TMEM132C: variants seen among roughly 807,000 people sequenced by gnomAD.
The protein encoded by TMEM132C is protein phosphatase 1, regulatory subunit 152.
In TMEM132C, 29 loss-of-function variants were observed where a neutral mutation model predicts 61.4. That is an observed-to-expected ratio of 0.47 (90% CI 0.35 to 0.64). The LOEUF (loss-of-function observed/expected upper bound fraction) is 0.64, where lower values mean the gene tolerates loss of function less well. Ranked by LOEUF, TMEM132C falls within the 30% of genes least tolerant of loss-of-function variation. The pLI, the probability that TMEM132C is intolerant of heterozygous loss-of-function variation, is 0.00. For synonymous variants in TMEM132C, 656 were observed against 633.1 expected (o/e 1.04, Z -0.54); for missense variants, 1,408 against 1,476.9 (o/e 0.95, Z 0.76).
At chr12:128,646,183 G>A (rs1954196350) in intron 4 of TMEM132C, among the ~76,000 whole-genome samples, 1 of 152,214 alleles carries the variant, frequency 6.6e-6, no homozygotes, top group African/African-American at 2.4e-5. Context: ...GGATATGAGT[G>A]TGTTTACTGG....
chr12:128,401,926 G>A (rs1055554258), intron 1 of TMEM132C, among the ~76,000 whole-genome samples: 6 of 152,084 alleles, frequency 3.9e-5, no homozygotes, highest in African/African-American at 9.7e-5. Flanking sequence ...CATCCCTATC[G>A]CCAGAGGCTG....
chr12:128,343,069 TGCCAGGTG>T (rs1045126201), intron 1 of TMEM132C, among the ~76,000 whole-genome samples: 1 of 152,202 alleles, frequency 6.6e-6, no homozygotes, highest in Non-Finnish European at 1.5e-5. Flanking sequence ...TGACAGATGC[TGCCAGGTG>T]GCAGTTGGGG....
At chr12:128,357,324 C>T (rs747120998) in intron 1 of TMEM132C, among the ~76,000 whole-genome samples, 14 of 152,046 alleles carry the variant, frequency 9.2e-5, no homozygotes, top group Non-Finnish European at 1.3e-4. Flanking sequence ...TGGAGGGCGC[C>T]CCAGGAGACC....
At chr12:128,458,395 CA>C (rs1225599620) in intron 2 of TMEM132C, among the ~76,000 whole-genome samples, 1 of 151,362 alleles carries the variant, frequency 6.6e-6, no homozygotes, top group Non-Finnish European at 1.5e-5. Context: ...GGACAAAATA[CA>C]ATTTAGTTTC....
intron 2 of TMEM132C, among the ~76,000 whole-genome samples, chr12:128,511,548 A>G (rs1230224028): frequency 6.6e-6 from 1 of 152,208 alleles, no homozygotes; most frequent in Non-Finnish European, 1.5e-5. Flanking sequence ...AGACGACACC[A>G]AATGCAGGGC....
intron 4 of TMEM132C, among the ~76,000 whole-genome samples, chr12:128,645,693 G>A: frequency 6.6e-6 from 1 of 152,222 alleles, no homozygotes; most frequent in Non-Finnish European, 1.5e-5. Flanking sequence ...CAGTGCCCCA[G>A]CAGGGGCCCC....
chr12:128,298,322 A>G (rs1426629135), intron 1 of TMEM132C, among the ~76,000 whole-genome samples: 1 of 152,160 alleles, frequency 6.6e-6, no homozygotes, highest in African/African-American at 2.4e-5. Context: ...TGTTTTGTTG[A>G]ATGTGTTCCT....
At position 128,705,395 on chromosome 12, in the gene TMEM132C, C is replaced by A; in HGVS notation, c.2427C>A (p.Gly809=). 6.4e-7 allele frequency: 1 copy of A among 1,551,108 alleles called. No individual in the cohort carries two copies. The highest frequency in any genetic ancestry group is 8.7e-7 in the Non-Finnish European group (1 of 1,146,988). Residue 809 remains glycine, a synonymous_variant, in exon 9 of 9, where the codon GGC becomes GGA. Transcript: ENST00000435159. ...AGAACGATGCTGACTCCAGCCCCGGCGGGGACTATGAGGAAGATGAGATCA... is the reference window on the plus strand; with the variant it reads ...AGAACGATGCTGACTCCAGCCCCGGAGGGGACTATGAGGAAGATGAGATCA... The part of the protein sequence containing the change: ...FGQNDADSSP[G]GDYEEDEIKN...
intron 2 of TMEM132C, among the ~76,000 whole-genome samples, chr12:128,496,555 C>T (rs1354787701): frequency 6.6e-6 from 1 of 152,142 alleles, no homozygotes; most frequent in South Asian, 2.1e-4. Flanking sequence ...TTTCTATAAA[C>T]TTCTCTTCTC....
intron 1 of TMEM132C, among the ~76,000 whole-genome samples, chr12:128,409,717 C>T (rs1868465418): frequency 6.6e-6 from 1 of 152,132 alleles, no homozygotes; most frequent in Non-Finnish European, 1.5e-5. Flanking sequence ...ATGTAGTTTA[C>T]ACCCCAATCA....
intron 4 of TMEM132C, among the ~76,000 whole-genome samples, chr12:128,622,357 AAAAATATATATATATATATATATATAT>A (rs1953973764): frequency 5.0e-5 from 3 of 60,266 alleles, no homozygotes; most frequent in African/African-American, 2.9e-4. Context: ...AAAAAAAAAA[AAAAATATATATATATATATATATATAT>A]ATATATATAT....
At position 128,580,483 on chromosome 12, in the gene TMEM132C, G is replaced by A. The variant is rs1034013256; in HGVS notation, c.1122-35669G>A. ...CAAACATAACCCATGAAATAGCCTG[G>A]CAGGTATTAATAAATCTTACCTCAC... On this transcript the variant is annotated intron_variant, in intron 3 of 8. Coordinates refer to ENST00000435159, the MANE Select transcript of TMEM132C (RefSeq NM_001136103.3). Among the ~76,000 whole-genome samples the A allele has an allele frequency of 4.6e-5, 7 of 152,134 alleles. 1 individual carries two copies. Among genetic ancestry groups the A allele is most frequent in the Admixed American group, 4.6e-4 (7 of 15,272 alleles).
intron 2 of TMEM132C, among the ~76,000 whole-genome samples, chr12:128,470,506 G>T (rs1870913218): frequency 6.6e-6 from 1 of 152,114 alleles, no homozygotes; most frequent in Non-Finnish European, 1.5e-5. Flanking sequence ...TTGCTAATTT[G>T]GGAGAAAAAT....
chr12:128,369,906 T>G (rs1292635469), intron 1 of TMEM132C, among the ~76,000 whole-genome samples: 1 of 152,238 alleles, frequency 6.6e-6, no homozygotes, highest in Non-Finnish European at 1.5e-5. Context: ...TGCATCATGA[T>G]ATATCTGCCA....
chr12:128,665,964 C>CACA (rs61364422), intron 4 of TMEM132C, among the ~76,000 whole-genome samples: 8 of 148,262 alleles, frequency 5.4e-5, no homozygotes, highest in African/African-American at 2.0e-4. Flanking sequence ...CACACACACA[C>CACA]GGGCACATGT....
At chr12:128,680,087 C>T (rs1024094289) in intron 5 of TMEM132C, among the ~76,000 whole-genome samples, 3 of 152,138 alleles carry the variant, frequency 2.0e-5, no homozygotes, top group Admixed American at 6.5e-5. Flanking sequence ...GAAGAGAAAA[C>T]GTTAAGATGC....
At chr12:128,392,052 G>GTCTCTGTCTCTC (rs1555221997) in intron 1 of TMEM132C, among the ~76,000 whole-genome samples, 8 of 125,548 alleles carry the variant, frequency 6.4e-5, no homozygotes, top group African/African-American at 2.4e-4. Flanking sequence ...CTCTGTCTCT[G>GTCTCTGTCTCTC]TCTCTCTCTC....
intron 1 of TMEM132C, among the ~76,000 whole-genome samples, chr12:128,307,105 A>T (rs138026755): frequency 1.6e-4 from 24 of 152,248 alleles, no homozygotes; most frequent in African/African-American, 5.5e-4. Flanking sequence ...CTTTGGCAAG[A>T]GTTCAGTTTC....
chr12:128,641,637 A>G (rs1315755748), intron 4 of TMEM132C, among the ~76,000 whole-genome samples: 3 of 152,152 alleles, frequency 2.0e-5, no homozygotes, highest in African/African-American at 7.2e-5. Flanking sequence ...GGGTCTTCAG[A>G]GTGAGCGTGA....
Sources: allele counts gnomAD v4.1 joint callset (sites outside exome capture counted in the v4.1 genomes callset), GRCh38; gene constraint gnomAD v4.1.1; transcripts MANE v1.5; gene names NCBI Gene and HGNC (gene_info 2026-07-23, HGNC 2026-07-21).